Variants in FRAS1 observed in about 807,000 individuals in gnomAD.
The protein encoded by FRAS1 is Fraser extracellular matrix complex subunit 1.
Under a neutral mutation model 435.2 loss-of-function variants are expected in FRAS1, and 290 were observed. The ratio of observed to expected loss-of-function variants is 0.67; its 90% CI spans 0.61 to 0.73. FRAS1 has a LOEUF of 0.73. Ranked by LOEUF, FRAS1 falls within the 30% of genes least tolerant of loss-of-function variation. FRAS1 has a pLI of 0.00. For missense variants in FRAS1, 4,860 were observed against 5,001.5 expected (o/e 0.97, Z 0.85); for synonymous variants, 1,800 against 1,851.0 (o/e 0.97, Z 0.71).
intron 32 of FRAS1, among the ~76,000 whole-genome samples, chr4:78,414,154 G>T (rs771092236): frequency 6.6e-6 from 1 of 152,142 alleles, no homozygotes; most frequent in East Asian, 1.9e-4. Context: ...ACCATAAACC[G>T]TAATTTAAAG....
At chr4:78,165,412 A>G (rs1721296224) in intron 2 of FRAS1, among the ~76,000 whole-genome samples, 1 of 152,252 alleles carries the variant, frequency 6.6e-6, no homozygotes, top group African/African-American at 2.4e-5. Flanking sequence ...TGGCACATCA[A>G]ACTGCTAAAT....
At chr4:78,528,150 G>C (rs11723383) in intron 70 of FRAS1, among the ~76,000 whole-genome samples, 21,211 of 152,168 alleles carry the variant, frequency 0.14, 1,777 homozygotes, top group Non-Finnish European at 0.2. Flanking sequence ...TTTGAGAAGA[G>C]AGGAGGAAAG....
At chr4:78,365,287 G>A (rs1373724419) in intron 22 of FRAS1, among the ~76,000 whole-genome samples, 2 of 152,110 alleles carry the variant, frequency 1.3e-5, no homozygotes, top group Admixed American at 1.3e-4. Flanking sequence ...TTGGGCTAGT[G>A]GGAAGATTGC....
At chr4:78,146,747 A>C (rs375287828) in intron 2 of FRAS1, among the ~76,000 whole-genome samples, 36 of 152,292 alleles carry the variant, frequency 2.4e-4, no homozygotes, top group African/African-American at 8.7e-4. Flanking sequence ...TTTTCTGTTA[A>C]ATGAGTTTTT....
rs1433497420 is a variant in FRAS1 at position 78,384,046 on chromosome 4, G to T, written c.3564-13G>T. The stretch of plus-strand genomic sequence containing the variant: ...ATTGTATTTTCTTATTCCTTTCTTT[G>T]GGACTTCTTTAGGAAAGGTTACCTT... On this transcript the variant is annotated splice_polypyrimidine_tract_variant and intron_variant, in intron 27 of 73. Coordinates refer to ENST00000512123, the MANE Select transcript of FRAS1 (RefSeq NM_025074.7). 6.3e-7 allele frequency: 1 copy of T among 1,581,746 alleles called. No individual in the cohort carries two copies.
In FRAS1 at chr4:78,265,006, T is replaced by A. The variant is rs1227455087; in HGVS notation, c.604-19T>A. On this transcript the variant is annotated intron_variant, in intron 6 of 73. Transcript: ENST00000512123. ...TTAATATCACTTTGTGATGGATTGT[T>A]CCTGTTCTGCGTGTTAAGGATGAGA... is the stretch of plus-strand genomic sequence containing the variant. 8 of 1,485,286 alleles carry A rather than the reference T, an allele frequency of 5.4e-6. No homozygotes were observed. Among genetic ancestry groups the A allele is most frequent in the Non-Finnish European group, 7.5e-6 (8 of 1,063,680 alleles). 92.0% of individuals were successfully genotyped at this position (1,485,286 alleles called of 1,614,324 possible). A position where few individuals can be genotyped will look rare whatever the true frequency, so the allele number is the denominator to read the frequency against.
intron 2 of FRAS1, among the ~76,000 whole-genome samples, chr4:78,128,538 G>C (rs1719503889): frequency 6.6e-6 from 1 of 152,172 alleles, no homozygotes. Flanking sequence ...TTTTTTGGCT[G>C]CATAAATGTC....
At chr4:78,214,821 A>G (rs1322325402) in intron 2 of FRAS1, among the ~76,000 whole-genome samples, 1 of 152,210 alleles carries the variant, frequency 6.6e-6, no homozygotes, top group African/African-American at 2.4e-5. Context: ...AGCCAGTCCT[A>G]TCTTGACAAC....
rs530839676 is a variant in FRAS1 at position 78,236,418 on chromosome 4, C to G, written c.109-1092C>G. Among the ~76,000 whole-genome samples the G allele has an allele frequency of 9.2e-5, 14 of 152,026 alleles. No homozygotes were observed. In the South Asian group the frequency reaches 2.9e-3, roughly 32 times the overall value. On this transcript the variant is annotated intron_variant, in intron 2 of 73. Coordinates refer to ENST00000512123, the MANE Select transcript of FRAS1 (RefSeq NM_025074.7). ...AGTGATGATTTCTGAGATTTTGGTG[C>G]ACCCATCACCTGAGCAGTGTACACT...
intron 71 of FRAS1, among the ~76,000 whole-genome samples, chr4:78,535,734 CTT>C (rs1382995435): frequency 1.3e-5 from 2 of 152,186 alleles, no homozygotes; most frequent in Non-Finnish European, 2.9e-5. Flanking sequence ...ACTTAAGTCT[CTT>C]TGTCCTTGAC....
In FRAS1 at chr4:78,540,947, G is replaced by A. The variant is rs1722030946; in HGVS notation, c.11862G>A (p.Val3954=). 3.1e-6 allele frequency: 5 copies of A among 1,613,938 alleles called. No individual in the cohort carries two copies. The highest frequency in any genetic ancestry group is 3.4e-6 in the Non-Finnish European group (4 of 1,179,870). ...EEYPLNTKVE[V]PKRHPDRVEK... is the part of the protein sequence containing the mutation. ...ATCCTCTGAATACCAAGGTAGAAGTGCCCAAGAGGCACCCGGACCGGGTGG... is the reference window on the plus strand; with the variant it reads ...ATCCTCTGAATACCAAGGTAGAAGTACCCAAGAGGCACCCGGACCGGGTGG... Residue 3954 remains valine (V), a synonymous_variant, in exon 74 of 74, where the codon GTG becomes GTA. Coordinates refer to ENST00000512123, the MANE Select transcript of FRAS1 (RefSeq NM_025074.7).
At position 78,237,632 on chromosome 4, in the gene FRAS1, T is replaced by C. The variant is rs1025690701; in HGVS notation, c.216+15T>C. On this transcript the variant is annotated intron_variant, in intron 3 of 73. Coordinates refer to ENST00000512123, the MANE Select transcript of FRAS1 (RefSeq NM_025074.7). ...CCTTTGAGAAGGTACGGTATCCTAA[T>C]TGTGTCCTAAATGTATTGGTAAAGT... is the stretch of plus-strand genomic sequence containing the variant. 1.4e-5 allele frequency: 21 copies of C among 1,491,002 alleles called. No homozygotes were observed. The highest frequency in any genetic ancestry group is 1.9e-5 in the Non-Finnish European group (20 of 1,080,384). The allele number at this position is 1,491,002 out of a possible 1,614,324, so 92.4% of individuals were successfully genotyped here.
At chr4:78,305,958 C>T (rs185579265) in intron 14 of FRAS1, among the ~76,000 whole-genome samples, 136 of 151,842 alleles carry the variant, frequency 9.0e-4, no homozygotes, top group Non-Finnish European at 1.7e-3. Context: ...CTCTTAGTCT[C>T]GATGGTCTTT....
chr4:78,160,230 C>T (rs1040935301), intron 2 of FRAS1, among the ~76,000 whole-genome samples: 1 of 152,144 alleles, frequency 6.6e-6, no homozygotes, highest in African/African-American at 2.4e-5. Flanking sequence ...AAAAGAAATA[C>T]GTTTTAAATG....
intron 70 of FRAS1, among the ~76,000 whole-genome samples, chr4:78,533,799 A>G (rs1721798339): frequency 6.6e-6 from 1 of 152,214 alleles, no homozygotes; most frequent in Non-Finnish European, 1.5e-5. Flanking sequence ...CGGAGCTTAG[A>G]GGAGAAATCT....
intron 2 of FRAS1, among the ~76,000 whole-genome samples, chr4:78,222,708 G>A (rs149038992): frequency 1.3e-5 from 2 of 152,196 alleles, no homozygotes; most frequent in East Asian, 1.9e-4. Context: ...CTTTTGTTGC[G>A]GTGGGTCTCC....
rs766489869 is a variant in FRAS1, at chr4:78,430,418, G to GTAGC, written c.4969+4_4969+7dup. On this transcript the variant is annotated splice_donor_variant, in intron 37 of 73. Transcript: ENST00000512123. LOFTEE classifies it high-confidence loss of function. ...GAGTTCCGAAGGCCGATGGCCACAGGTAGCTACACACCTACACACTCTGTC... is the reference window on the plus strand; with the variant it reads ...GAGTTCCGAAGGCCGATGGCCACAGGTAGCTAGCTACACACCTACACACTCTGTC... 29 of 1,612,384 alleles carry GTAGC rather than the reference G, an allele frequency of 1.8e-5. No individual in the cohort carries two copies. The highest frequency in any genetic ancestry group is 2.5e-5 in the Non-Finnish European group (29 of 1,179,258).
At chr4:78,475,854 A>G (rs778756930) in intron 54 of FRAS1, among the ~76,000 whole-genome samples, 11 of 152,182 alleles carry the variant, frequency 7.2e-5, no homozygotes, top group Non-Finnish European at 1.5e-4. Context: ...ATTTTGCTTC[A>G]TGACAAAAAG....
At chr4:78,218,710 G>A (rs1210895704) in intron 2 of FRAS1, among the ~76,000 whole-genome samples, 1 of 152,178 alleles carries the variant, frequency 6.6e-6, no homozygotes, top group Non-Finnish European at 1.5e-5. Context: ...TGAAACAAAT[G>A]TTGATCCAGC....
Sources: allele counts gnomAD v4.1 joint callset (sites outside exome capture counted in the v4.1 genomes callset), GRCh38; gene constraint gnomAD v4.1.1; transcripts MANE v1.5; gene names NCBI Gene and HGNC (gene_info 2026-07-23, HGNC 2026-07-21).